Variants in TMCC1 observed in about 807,000 individuals in gnomAD.
TMCC1 encodes the protein transmembrane and coiled-coil domain family 1.
Under a neutral mutation model 52.4 loss-of-function variants are expected in TMCC1, and 15 were observed. The ratio of observed to expected loss-of-function variants is 0.29; its 90% CI spans 0.19 to 0.44. The LOEUF (loss-of-function observed/expected upper bound fraction) is 0.44, where lower values mean the gene tolerates loss of function less well. Ranked by LOEUF, TMCC1 falls within the 20% of genes least tolerant of loss-of-function variation. TMCC1 has a pLI of 1.00. For synonymous variants in TMCC1, 279 were observed against 301.9 expected (o/e 0.92, Z 0.79); for missense variants, 503 against 806.0 (o/e 0.62, Z 4.55).
Position 129,657,451 on chromosome 3 carries a change from A to G in TMCC1, c.1512-2348T>C, listed in dbSNP as rs533515275. Among the ~76,000 whole-genome samples, 4 of 152,374 alleles carry G rather than the reference A, an allele frequency of 2.6e-5. No individual in the cohort carries two copies. In the East Asian group the frequency reaches 7.7e-4, roughly 29 times the overall value. The stretch of plus-strand genomic sequence containing the variant: ...AAACAGAAGCTCAGAGAAGTTCTAA[A>G]GTGAATTGCCCAAGGGCACAAAAAT... On this transcript the variant is annotated intron_variant, in intron 5 of 6. Coordinates refer to ENST00000393238, the MANE Select transcript of TMCC1 (RefSeq NM_001017395.5).
chr3:129,873,026 G>C lies in TMCC1; in HGVS notation c.-184+7283C>G, dbSNP rs368585033. Among the ~76,000 whole-genome samples, 105 of 150,610 alleles carry C rather than the reference G, an allele frequency of 7.0e-4. 2 individuals carry two copies. The highest frequency in any genetic ancestry group is 2.7e-3 in the Admixed American group (40 of 15,060). Reference sequence around the variant, plus strand: ...TCCACTTCCCGGGTTCAAGCCTCCCGAGCAGCTGGGATTACAGGCACCCCC... The same window carrying C: ...TCCACTTCCCGGGTTCAAGCCTCCCCAGCAGCTGGGATTACAGGCACCCCC... On this transcript the variant is annotated intron_variant, in intron 2 of 6. Coordinates refer to ENST00000393238, the MANE Select transcript of TMCC1 (RefSeq NM_001017395.5).
chr3:129,692,628 G>A (rs2047106415), intron 4 of TMCC1, among the ~76,000 whole-genome samples: 1 of 152,140 alleles, frequency 6.6e-6, no homozygotes, highest in South Asian at 2.1e-4. Context: ...TAAGATGCTT[G>A]TGTATGACGT....
At chr3:129,767,785 T>C (rs905012823) in intron 4 of TMCC1, among the ~76,000 whole-genome samples, 1 of 152,236 alleles carries the variant, frequency 6.6e-6, no homozygotes, top group Non-Finnish European at 1.5e-5. Flanking sequence ...CTTTCACTTA[T>C]GTTTTTAAAG....
intron 1 of TMCC1, among the ~76,000 whole-genome samples, chr3:129,888,409 C>G (rs1254368443): frequency 2.0e-5 from 3 of 152,200 alleles, no homozygotes; most frequent in African/African-American, 7.2e-5. Context: ...CACTTCAGTA[C>G]CAACAAGCAC....
At chr3:129,780,581 C>T (rs970223779) in intron 4 of TMCC1, among the ~76,000 whole-genome samples, 3 of 151,944 alleles carry the variant, frequency 2.0e-5, no homozygotes, top group Non-Finnish European at 4.4e-5. Flanking sequence ...CATAATATAC[C>T]CAAACTTGAA....
intron 4 of TMCC1, among the ~76,000 whole-genome samples, chr3:129,794,869 C>T (rs997420784): frequency 3.9e-5 from 6 of 152,104 alleles, no homozygotes; most frequent in Non-Finnish European, 5.9e-5. Context: ...CAGACAGCAA[C>T]GCACCCTTCT....
At chr3:129,847,235 G>A (rs1463402861) in intron 2 of TMCC1, 1 of 152,164 alleles carries the variant, frequency 6.6e-6, no homozygotes, top group Non-Finnish European at 1.5e-5. Context: ...TACGGAATAA[G>A]AGTGAGTTAC....
intron 2 of TMCC1, among the ~76,000 whole-genome samples, chr3:129,837,070 C>T (rs2059192244): frequency 6.6e-6 from 1 of 152,160 alleles, no homozygotes; most frequent in Admixed American, 6.5e-5. Context: ...TATCCATCTT[C>T]ACTGTTTCTC....
chr3:129,875,625 T>C, intron 2 of TMCC1, among the ~76,000 whole-genome samples: 1 of 151,152 alleles, frequency 6.6e-6, no homozygotes, highest in East Asian at 1.9e-4. Context: ...TCCATTAGGG[T>C]AGAAACTTTT....
intron 4 of TMCC1, among the ~76,000 whole-genome samples, chr3:129,695,942 T>C (rs2047387337): frequency 6.6e-6 from 1 of 152,190 alleles, no homozygotes; most frequent in Non-Finnish European, 1.5e-5. Flanking sequence ...AATCTGACTC[T>C]GGCATAACGT....
intron 3 of TMCC1, among the ~76,000 whole-genome samples, chr3:129,831,721 C>G (rs1263357529): frequency 6.6e-6 from 1 of 152,162 alleles, no homozygotes; most frequent in Non-Finnish European, 1.5e-5. Context: ...AAATTGCTGA[C>G]AGTAAGAATG....
chr3:129,836,475 T>G (rs2059164197), intron 2 of TMCC1, among the ~76,000 whole-genome samples: 1 of 152,162 alleles, frequency 6.6e-6, no homozygotes, highest in Admixed American at 6.5e-5. Flanking sequence ...TCTCACAAAT[T>G]TTAAAAAAAC....
At chr3:129,660,988 T>C (rs1257965678) in intron 5 of TMCC1, among the ~76,000 whole-genome samples, 1 of 152,198 alleles carries the variant, frequency 6.6e-6, no homozygotes, top group East Asian at 1.9e-4. Flanking sequence ...AAAAGAGTTA[T>C]ATAGAAACTG....
intron 4 of TMCC1, among the ~76,000 whole-genome samples, chr3:129,811,237 C>T (rs1202283166): frequency 6.6e-6 from 1 of 150,608 alleles, no homozygotes; most frequent in African/African-American, 2.4e-5. Flanking sequence ...AATTAGGATG[C>T]TCACTTTCAT....
intron 2 of TMCC1, among the ~76,000 whole-genome samples, chr3:129,867,595 C>G (rs900009544): frequency 6.6e-6 from 1 of 152,120 alleles, no homozygotes; most frequent in Admixed American, 6.5e-5. Context: ...CTAGTCCTAA[C>G]CTGGTGTGGG....
intron 4 of TMCC1, among the ~76,000 whole-genome samples, chr3:129,785,126 T>C (rs1340747407): frequency 6.6e-6 from 1 of 152,172 alleles, no homozygotes; most frequent in East Asian, 1.9e-4. Context: ...GATAACTGTA[T>C]TTAGATAACA....
chr3:129,692,545 TAAG>T (rs1047479488), intron 4 of TMCC1, among the ~76,000 whole-genome samples: 7 of 152,210 alleles, frequency 4.6e-5, no homozygotes, highest in African/African-American at 7.2e-5. Flanking sequence ...TTTGCCTTGT[TAAG>T]AAGGTGTTAA....
intron 4 of TMCC1, among the ~76,000 whole-genome samples, chr3:129,737,440 G>A (rs1035860006): frequency 7.3e-5 from 11 of 151,508 alleles, no homozygotes; most frequent in East Asian, 1.9e-4. Context: ...AGATCACGCC[G>A]CTGCACTCCA....
At chr3:129,749,572 C>T (rs148614065) in intron 4 of TMCC1, among the ~76,000 whole-genome samples, 1,813 of 151,992 alleles carry the variant, frequency 0.012, 21 homozygotes, top group Non-Finnish European at 0.015. Flanking sequence ...AATTAGTAAA[C>T]TAATTTGTTT....
Sources: gnomAD v4.1 joint callset for allele counts (sites outside exome capture counted in the v4.1 genomes callset) on GRCh38, gnomAD v4.1.1 for gene constraint, MANE v1.5 for transcripts, NCBI Gene and HGNC (gene_info 2026-07-23, HGNC 2026-07-21) for gene names.